The following ANO3 variants were observed in gnomAD, a reference collection of about 807,000 sequenced individuals.
ANO3 encodes the protein anoctamin 3, also known as anoctamin-3.
ANO3 carries 99 observed loss-of-function variants against 144.8 expected under a neutral mutation model. The ratio of observed to expected loss-of-function variants is 0.68; its 90% CI spans 0.58 to 0.81. The LOEUF (loss-of-function observed/expected upper bound fraction) is 0.81. ANO3 is among the 30% of genes least tolerant of loss of function. The pLI is 0.00. For synonymous variants in ANO3, 414 were observed against 392.6 expected (o/e 1.05, Z -0.64); for missense variants, 905 against 1,202.2 (o/e 0.75, Z 3.66).
Position 26,634,182 on chromosome 11 carries a change from A to G in ANO3, c.1874-22A>G, listed in dbSNP as rs80186910. 1.9e-6 allele frequency: 3 copies of G among 1,550,890 alleles called. No homozygotes were observed. In the East Asian group the frequency reaches 6.7e-5, roughly 35 times the overall value. On this transcript the variant is annotated intron_variant, in intron 18 of 26. Coordinates refer to ENST00000256737, the MANE Select transcript of ANO3 (RefSeq NM_031418.4). Reference sequence around the variant, plus strand: ...TATTCACCTCACCTCACCTGTGTCAATGCAACCTGTGTTCCTTTTAGAATA... The same window carrying G: ...TATTCACCTCACCTCACCTGTGTCAGTGCAACCTGTGTTCCTTTTAGAATA...
chr11:26,250,931 T>C (rs1055442575), intron 1 of ANO3, among the ~76,000 whole-genome samples: 1 of 152,156 alleles, frequency 6.6e-6, no homozygotes, highest in South Asian at 2.1e-4. Context: ...CATGAGCCTA[T>C]AGTTGGGCTA....
intron 1 of ANO3, among the ~76,000 whole-genome samples, chr11:26,191,358 A>ACC: frequency 6.6e-6 from 1 of 152,074 alleles, no homozygotes; most frequent in Middle Eastern, 3.4e-3. Flanking sequence ...ACACACACAC[A>ACC]CACATATATA....
chr11:26,191,129 A>G (rs1262831884), intron 1 of ANO3, among the ~76,000 whole-genome samples: 1 of 152,150 alleles, frequency 6.6e-6, no homozygotes, highest in Non-Finnish European at 1.5e-5. Context: ...ATACAAAATT[A>G]GCCAGGCGTG....
chr11:26,550,883 A>G (rs987266835), intron 12 of ANO3, among the ~76,000 whole-genome samples: 1 of 151,892 alleles, frequency 6.6e-6, no homozygotes, highest in Non-Finnish European at 1.5e-5. Context: ...TTAGATTTCT[A>G]CCAGCAGTGT....
intron 1 of ANO3, among the ~76,000 whole-genome samples, chr11:26,300,570 G>C (rs566953282): frequency 3.3e-5 from 5 of 152,196 alleles, no homozygotes; most frequent in Non-Finnish European, 7.4e-5. Flanking sequence ...ATTATAGATG[G>C]GGAGACTAAG....
chr11:26,363,888 C>T (rs1855993624), intron 1 of ANO3, among the ~76,000 whole-genome samples: 1 of 151,620 alleles, frequency 6.6e-6, no homozygotes, highest in Non-Finnish European at 1.5e-5. Flanking sequence ...AAGAAGGAAC[C>T]ATAGACTTTT....
intron 14 of ANO3, among the ~76,000 whole-genome samples, chr11:26,567,859 T>C (rs1381438365): frequency 6.6e-6 from 1 of 151,982 alleles, no homozygotes; most frequent in African/African-American, 2.4e-5. Flanking sequence ...ACGACATGGA[T>C]GATTATCACA....
At chr11:26,440,627 TAAG>T (rs1389853047) in intron 1 of ANO3, among the ~76,000 whole-genome samples, 3 of 152,042 alleles carry the variant, frequency 2.0e-5, no homozygotes, top group African/African-American at 7.2e-5. Context: ...GTAAAGTTGA[TAAG>T]AAGTTGTGGA....
intron 1 of ANO3, among the ~76,000 whole-genome samples, chr11:26,199,150 T>G (rs927620309): frequency 6.6e-6 from 1 of 152,054 alleles, no homozygotes; most frequent in East Asian, 1.9e-4. Context: ...AACATTAATC[T>G]GTGCCCGCAG....
intron 1 of ANO3, among the ~76,000 whole-genome samples, chr11:26,316,251 G>A (rs1854623116): frequency 3.3e-5 from 5 of 152,118 alleles, no homozygotes; most frequent in Admixed American, 3.3e-4. Context: ...ACCGCCTTCT[G>A]GTCCTGCGAT....
At chr11:26,344,919 A>C (rs1433453750) in intron 1 of ANO3, among the ~76,000 whole-genome samples, 1 of 151,402 alleles carries the variant, frequency 6.6e-6, no homozygotes, top group Non-Finnish European at 1.5e-5. Flanking sequence ...TTTTGTATAT[A>C]TATTCCATAT....
upstream of ANO3, among the ~76,000 whole-genome samples, chr11:26,307,324 A>G (rs1854406208): frequency 6.6e-6 from 1 of 152,186 alleles, no homozygotes; most frequent in Admixed American, 6.5e-5. Flanking sequence ...ATTGCACTCC[A>G]GCCTGGGCAA....
At chr11:26,418,199 G>T (rs1277677659) in intron 1 of ANO3, among the ~76,000 whole-genome samples, 1 of 152,068 alleles carries the variant, frequency 6.6e-6, no homozygotes, top group East Asian at 1.9e-4. Flanking sequence ...GTTAATAATA[G>T]GCTAAAAATA....
chr11:26,614,803 C>G (rs1280114533), intron 17 of ANO3, among the ~76,000 whole-genome samples: 4 of 152,182 alleles, frequency 2.6e-5, no homozygotes, highest in Non-Finnish European at 5.9e-5. Context: ...CTTCCTCTCT[C>G]TCTCTATGGT....
At chr11:26,408,115 T>C (rs942649327) in intron 1 of ANO3, among the ~76,000 whole-genome samples, 1 of 151,772 alleles carries the variant, frequency 6.6e-6, no homozygotes, top group Non-Finnish European at 1.5e-5. Context: ...AAAGCCAAAA[T>C]TGACAAATGG....
intron 17 of ANO3, among the ~76,000 whole-genome samples, chr11:26,610,308 A>ATTTTTTTTTTTTTTT (rs34715952): frequency 7.7e-6 from 1 of 130,308 alleles, no homozygotes. Flanking sequence ...GATGTTGAGC[A>ATTTTTTTTTTTTTTT]TTTTTTTTTT....
Position 26,382,583 on chromosome 11 carries a change from G to C in ANO3, c.46+50262G>C, listed in dbSNP as rs776468283. On this transcript the variant is annotated intron_variant, in intron 1 of 26. Transcript: ENST00000256737. ...GAAGCATCAGTCATAGAAGCAGGCT[G>C]TTGTCCCCAAATGTTCCTCTACTGT... Among the ~76,000 whole-genome samples the C allele has an allele frequency of 1.3e-3, 203 of 152,196 alleles. 1 individual carries two copies. Among genetic ancestry groups the C allele is most frequent in the Non-Finnish European group, 1.6e-3 (108 of 67,996 alleles).
At chr11:26,248,032 C>T (rs977730030) in intron 1 of ANO3, among the ~76,000 whole-genome samples, 2 of 151,924 alleles carry the variant, frequency 1.3e-5, no homozygotes, top group African/African-American at 4.8e-5. Flanking sequence ...TACCTGGACG[C>T]TCCAGTCATT....
chr11:26,565,616 G>A, intron 14 of ANO3: 1 of 1,612,842 alleles, frequency 6.2e-7, no homozygotes, highest in Non-Finnish European at 8.5e-7. Flanking sequence ...TTATTCCGTG[G>A]CTGTTGTTGG....
Sources: allele counts gnomAD v4.1 joint callset (sites outside exome capture counted in the v4.1 genomes callset), GRCh38; gene constraint gnomAD v4.1.1; transcripts MANE v1.5; gene names NCBI Gene and HGNC (gene_info 2026-07-23, HGNC 2026-07-21).